Variants in NCOR1 observed in about 807,000 individuals in gnomAD.
The protein encoded by NCOR1 is protein phosphatase 1, regulatory subunit 109.
A neutral mutation model predicts 288.1 loss-of-function variants in NCOR1; 63 were observed. The observed-to-expected ratio is 0.22, with a 90% CI of 0.18 to 0.27. The LOEUF is 0.27. Ranked by LOEUF, NCOR1 falls within the 10% of genes least tolerant of loss-of-function variation. NCOR1 has a pLI of 1.00. For missense variants in NCOR1, 2,397 were observed against 3,019.2 expected (o/e 0.79, Z 4.83); for synonymous variants, 1,007 against 1,065.9 (o/e 0.94, Z 1.08).
At chr17:16,198,311 T>G (rs1448926780) in intron 1 of NCOR1, 3 of 143,118 alleles carry the variant, frequency 2.1e-5, no homozygotes, top group African/African-American at 8.1e-5. Context: ...TGAGCCGAGA[T>G]TGCGCCACTA....
At chr17:16,173,891 A>C (rs1307223591) in intron 3 of NCOR1, among the ~76,000 whole-genome samples, 2 of 152,044 alleles carry the variant, frequency 1.3e-5, no homozygotes, top group African/African-American at 2.4e-5. Flanking sequence ...AGATCATGCC[A>C]TTATACTCCT....
intron 3 of NCOR1, among the ~76,000 whole-genome samples, chr17:16,178,807 T>TA (rs1269934776): frequency 6.6e-6 from 1 of 152,138 alleles, no homozygotes; most frequent in Non-Finnish European, 1.5e-5. Context: ...AAGAAATGTA[T>TA]TATATAATAA....
intron 21 of NCOR1, 52 bp from the exon 22 acceptor site, chr17:16,092,110 C>T (rs1384546371): frequency 6.3e-7 from 1 of 1,577,538 alleles, no homozygotes; most frequent in Non-Finnish European, 8.7e-7. Context: ...TAATAATTGC[C>T]ATCTCTTAAC....
intron 42 of NCOR1, among the ~76,000 whole-genome samples, chr17:16,043,967 C>T (rs981542775): frequency 1.3e-5 from 2 of 152,132 alleles, no homozygotes; most frequent in South Asian, 4.2e-4. Flanking sequence ...GTCAGGAGTT[C>T]GAGACCAGCC....
intron 3 of NCOR1, among the ~76,000 whole-genome samples, chr17:16,175,283 G>A (rs1052905509): frequency 5.9e-5 from 9 of 151,726 alleles, no homozygotes; most frequent in African/African-American, 9.7e-5. Context: ...CAGGAGAATC[G>A]CTTGAACCCA....
At chr17:16,193,616 A>T (rs1020365822) in intron 2 of NCOR1, among the ~76,000 whole-genome samples, 1 of 152,202 alleles carries the variant, frequency 6.6e-6, no homozygotes, top group Non-Finnish European at 1.5e-5. Context: ...GGACAACACA[A>T]GCAAAATTCA....
intron 18 of NCOR1, among the ~76,000 whole-genome samples, chr17:16,112,559 G>A (rs557817407): frequency 2.0e-5 from 3 of 152,158 alleles, no homozygotes; most frequent in Admixed American, 6.5e-5. Context: ...ACAGTGGCGC[G>A]ATCTCAGCTC....
At chr17:16,047,155 T>G (rs1427426798) in intron 41 of NCOR1, 62 bp from the exon 42 acceptor site, 2 of 1,497,638 alleles carry the variant, frequency 1.3e-6, no homozygotes, top group East Asian at 4.7e-5. Context: ...GACATTCCTA[T>G]CAATGATAAC....
chr17:16,043,098 A>C (rs1480190920), intron 42 of NCOR1, among the ~76,000 whole-genome samples: 1 of 152,230 alleles, frequency 6.6e-6, no homozygotes, highest in East Asian at 1.9e-4. Flanking sequence ...ACAGGAGAAC[A>C]TGGCATCAGA....
rs188055326 is a variant in NCOR1 at position 16,032,107 on chromosome 17, T to C, written c.*189A>G. 2.9e-4 allele frequency: 165 copies of C among 577,946 alleles called. 1 individual carries two copies. The highest frequency in any genetic ancestry group is 5.5e-4 in the Admixed American group (14 of 25,434). 35.8% of individuals were successfully genotyped at this position (577,946 alleles called of 1,614,324 possible). On this transcript the variant is annotated 3_prime_UTR_variant, in exon 46 of 46. Transcript: ENST00000268712. ...ATTGCCTGTATCAAAGGCAGTTTTTTGTTTGTTTTTTTCCCATTTGACTCT... is the reference window on the plus strand; with the variant it reads ...ATTGCCTGTATCAAAGGCAGTTTTTCGTTTGTTTTTTTCCCATTTGACTCT...
At chr17:16,089,828 C>G (rs1362759885) in intron 22 of NCOR1, among the ~76,000 whole-genome samples, 1 of 152,022 alleles carries the variant, frequency 6.6e-6, no homozygotes, top group Non-Finnish European at 1.5e-5. Context: ...AGGATAGACT[C>G]AAGGAAAAAC....
rs542824076 is a variant in NCOR1 at position 16,172,789 on chromosome 17, C to T, written c.243-794G>A. 2.4e-4 allele frequency among the ~76,000 whole-genome samples: 37 copies of T among 152,280 alleles called. 1 individual carries two copies. Among genetic ancestry groups the T allele is most frequent in the African/African-American group, 7.5e-4 (31 of 41,548 alleles). ...TTGTTGAGTCCTGCTCGTGAGTGCT[C>T]ATTAAGTTGACTTTTCATTTTCTAC... is the stretch of plus-strand genomic sequence containing the variant. On this transcript the variant is annotated intron_variant, in intron 3 of 45. Coordinates refer to ENST00000268712, the MANE Select transcript of NCOR1 (RefSeq NM_006311.4).
chr17:16,154,970 T>C (rs766164166), intron 6 of NCOR1, among the ~76,000 whole-genome samples: 5 of 152,216 alleles, frequency 3.3e-5, no homozygotes, highest in Non-Finnish European at 5.9e-5. Context: ...CTGGCCTAGA[T>C]GACCAGAGGT....
chr17:16,032,538 C>T, intron 45 of NCOR1, 55 bp from the exon 46 acceptor site: 1 of 1,485,744 alleles, frequency 6.7e-7, no homozygotes, highest in South Asian at 1.4e-5. Context: ...GTATTTCATC[C>T]AATCCAACTT....
intron 3 of NCOR1, among the ~76,000 whole-genome samples, chr17:16,185,278 A>G (rs1032211270): frequency 6.6e-6 from 1 of 152,170 alleles, no homozygotes; most frequent in Non-Finnish European, 1.5e-5. Flanking sequence ...GCAAAAATAA[A>G]TAACTTTGTG....
intron 43 of NCOR1, 92 bp downstream of exon 43, chr17:16,040,349 C>T (rs1362283215): frequency 2.9e-6 from 3 of 1,037,688 alleles, no homozygotes; most frequent in Non-Finnish European, 4.5e-6. Flanking sequence ...CAGTCACTCC[C>T]CTGGTATACA....
chr17:16,147,201 G>C (rs1259198252), intron 9 of NCOR1, among the ~76,000 whole-genome samples: 2 of 152,130 alleles, frequency 1.3e-5, no homozygotes, highest in Non-Finnish European at 2.9e-5. Context: ...ACAAGGTCAG[G>C]AGTTTGAGAC....
At chr17:16,071,842 C>A (rs2061795500) in intron 29 of NCOR1, among the ~76,000 whole-genome samples, 177 bp from the exon 30 acceptor site, 1 of 152,028 alleles carries the variant, frequency 6.6e-6, no homozygotes, top group African/African-American at 2.4e-5. Context: ...TACAGTAGAT[C>A]CTCAAATCAG....
chr17:16,161,854 G>T (rs537381977), intron 5 of NCOR1, among the ~76,000 whole-genome samples: 1 of 151,966 alleles, frequency 6.6e-6, no homozygotes, highest in South Asian at 2.1e-4. Context: ...TTATTATAGT[G>T]GATTGCATGT....
Sources: allele counts gnomAD v4.1 joint callset (sites outside exome capture counted in the v4.1 genomes callset), GRCh38; gene constraint gnomAD v4.1.1; transcripts MANE v1.5; gene names NCBI Gene and HGNC (gene_info 2026-07-23, HGNC 2026-07-21).